The following GOLGA4 variants were observed in gnomAD, a reference collection of about 807,000 sequenced individuals.
The protein encoded by GOLGA4 is golgin A4.
Under a neutral mutation model 265.9 loss-of-function variants are expected in GOLGA4, and 169 were observed. That is an observed-to-expected ratio of 0.64 (90% CI 0.56 to 0.72). The LOEUF (loss-of-function observed/expected upper bound fraction) is 0.72, where lower values mean the gene tolerates loss of function less well. GOLGA4 is among the 30% of genes least tolerant of loss of function. GOLGA4 has a pLI of 0.00. For synonymous variants in GOLGA4, 923 were observed against 855.8 expected, an observed-to-expected ratio of 1.08 and a Z score of -1.37; for missense variants, 2,482 against 2,483.4, an observed-to-expected ratio of 1.00 and a Z score of 0.01.
chr3:37,283,165 A>G (rs528637595), intron 3 of GOLGA4, among the ~76,000 whole-genome samples: 6 of 152,064 alleles, frequency 3.9e-5, no homozygotes, highest in Non-Finnish European at 5.9e-5. Flanking sequence ...CCTACAACCA[A>G]AAACAAAACA....
chr3:37,288,886 A>G (rs2096857603), intron 4 of GOLGA4, among the ~76,000 whole-genome samples: 1 of 152,252 alleles, frequency 6.6e-6, no homozygotes, highest in African/African-American at 2.4e-5. Flanking sequence ...CAATGAAATA[A>G]ACTGCAGTTG....
At chr3:37,298,737 T>C in intron 7 of GOLGA4, 96 bp from the exon 8 acceptor site, 1 of 750,382 alleles carries the variant, frequency 1.3e-6, no homozygotes, top group Non-Finnish European at 2.2e-6. Flanking sequence ...ATGGAGTCGG[T>C]TAGATTAGAT....
intron 3 of GOLGA4, among the ~76,000 whole-genome samples, chr3:37,282,531 T>G (rs550076910): frequency 1.3e-5 from 2 of 152,368 alleles, no homozygotes; most frequent in South Asian, 4.1e-4. Flanking sequence ...TCTTATATTC[T>G]GTTCCCCTCT....
At chr3:37,274,901 C>T (rs1245000162) in intron 2 of GOLGA4, among the ~76,000 whole-genome samples, 1 of 151,884 alleles carries the variant, frequency 6.6e-6, no homozygotes, top group East Asian at 1.9e-4. Context: ...ATAGACAAAA[C>T]ATTCGGAAGT....
intron 2 of GOLGA4, among the ~76,000 whole-genome samples, chr3:37,270,174 A>G (rs941745468): frequency 6.9e-6 from 1 of 145,216 alleles, no homozygotes; most frequent in African/African-American, 2.6e-5. Context: ...GTTTATAGGC[A>G]TGAGCCACTG....
intron 22 of GOLGA4, among the ~76,000 whole-genome samples, chr3:37,359,176 G>A (rs2097098096): frequency 6.6e-6 from 1 of 152,026 alleles, no homozygotes; most frequent in Admixed American, 6.6e-5. Context: ...GATGGTTTAG[G>A]TAGCTTAGAT....
At chr3:37,283,874 A>G (rs2096841269) in intron 3 of GOLGA4, among the ~76,000 whole-genome samples, 1 of 152,144 alleles carries the variant, frequency 6.6e-6, no homozygotes, top group South Asian at 2.1e-4. Flanking sequence ...CCATTCCCGT[A>G]GATGTTAATT....
intron 2 of GOLGA4, among the ~76,000 whole-genome samples, chr3:37,267,138 T>C (rs1051181434): frequency 2.6e-5 from 4 of 152,246 alleles, no homozygotes; most frequent in Non-Finnish European, 2.9e-5. Flanking sequence ...GGTAGCTTTG[T>C]AACTGCAACA....
intron 17 of GOLGA4, among the ~76,000 whole-genome samples, chr3:37,336,086 C>T (rs961633950): frequency 2.0e-5 from 3 of 152,128 alleles, no homozygotes; most frequent in African/African-American, 7.2e-5. Flanking sequence ...GAGAAAGAGC[C>T]TCTATAAAGA....
rs55777731 is a variant in GOLGA4 at position 37,249,373 on chromosome 3, G to A, written c.73-2022G>A. Among the ~76,000 whole-genome samples the A allele has an allele frequency of 5.5e-3, 840 of 152,056 alleles. 9 individuals are homozygous for A. The highest frequency in any genetic ancestry group is 0.019 in the African/African-American group (793 of 41,486). ...ATATTTTCTAGACATTTAAACCATT[G>A]CTAAGGCTTCAACTTTATTTCACAT... is the stretch of plus-strand genomic sequence containing the variant. On this transcript the variant is annotated intron_variant, in intron 1 of 23. Transcript: ENST00000361924.
intron 2 of GOLGA4, among the ~76,000 whole-genome samples, chr3:37,273,278 A>G (rs886958549): frequency 1.3e-5 from 2 of 152,186 alleles, no homozygotes; most frequent in Non-Finnish European, 2.9e-5. Flanking sequence ...GTATGTGACT[A>G]GCTTGAAATA....
chr3:37,267,038 T>C, intron 2 of GOLGA4: 1 of 430,128 alleles, frequency 2.3e-6, no homozygotes, highest in South Asian at 1.9e-5. Context: ...ACTTACCATC[T>C]CTCAAAGTAT....
chr3:37,269,063 T>C (rs2096791238), intron 2 of GOLGA4, among the ~76,000 whole-genome samples: 1 of 152,252 alleles, frequency 6.6e-6, no homozygotes, highest in African/African-American at 2.4e-5. Flanking sequence ...CAGCAGTCAA[T>C]GCAATGGTTG....
intron 5 of GOLGA4, among the ~76,000 whole-genome samples, chr3:37,292,418 A>C (rs1283422190): frequency 6.6e-6 from 1 of 152,168 alleles, no homozygotes; most frequent in African/African-American, 2.4e-5. Context: ...ACAGTGGCTC[A>C]TGCCTACGCC....
At chr3:37,276,793 T>C (rs1217996805) in intron 2 of GOLGA4, among the ~76,000 whole-genome samples, 1 of 152,230 alleles carries the variant, frequency 6.6e-6, no homozygotes, top group Non-Finnish European at 1.5e-5. Flanking sequence ...ATATAATAAT[T>C]GTATGGTACC....
At chr3:37,340,393 G>A (rs2097029416) in intron 20 of GOLGA4, among the ~76,000 whole-genome samples, 194 bp downstream of exon 20, 3 of 151,974 alleles carry the variant, frequency 2.0e-5, no homozygotes, top group Admixed American at 1.3e-4. Flanking sequence ...GATTCATTGT[G>A]GAATGGTTAA....
At chr3:37,285,884 C>A (rs1019924801) in intron 3 of GOLGA4, 130 bp from the exon 4 acceptor site, 7 of 510,126 alleles carry the variant, frequency 1.4e-5, no homozygotes, top group African/African-American at 1.4e-4. Context: ...CGTCATGCAT[C>A]TAATTAGGTT....
At chr3:37,364,215 A>G (rs1339847405) in intron 23 of GOLGA4, among the ~76,000 whole-genome samples, 1 of 151,950 alleles carries the variant, frequency 6.6e-6, no homozygotes, top group Non-Finnish European at 1.5e-5. Context: ...TGATGTGACT[A>G]CTGGTTTTAG....
chr3:37,321,694 T>A, intron 12 of GOLGA4, 37 bp from the exon 13 acceptor site: 1 of 1,560,018 alleles, frequency 6.4e-7, no homozygotes, highest in Admixed American at 2.0e-5. Context: ...TGAAGATTTA[T>A]GTGCGTTTAA....
Sources: gnomAD v4.1 joint callset for allele counts (sites outside exome capture counted in the v4.1 genomes callset) on GRCh38, gnomAD v4.1.1 for gene constraint, MANE v1.5 for transcripts, NCBI Gene and HGNC (gene_info 2026-07-23, HGNC 2026-07-21) for gene names.